The following CCNDBP1 variants were observed in gnomAD, a reference collection of about 807,000 sequenced individuals.
CCNDBP1 encodes cyclin-D1-binding protein 1.
In CCNDBP1, 45 loss-of-function variants were observed where a neutral mutation model predicts 46.2. That is an observed-to-expected ratio of 0.97 (90% CI 0.77 to 1.25). The LOEUF is 1.25. CCNDBP1 is among the 50% of genes most tolerant of loss of function. The pLI is 0.00. For synonymous variants in CCNDBP1, 154 were observed against 163.6 expected, an observed-to-expected ratio of 0.94 and a Z score of 0.45; for missense variants, 436 against 442.1, an observed-to-expected ratio of 0.99 and a Z score of 0.12.
At chr15:43,192,431 C>T (rs1042400751) in intron 8 of CCNDBP1, among the ~76,000 whole-genome samples, 1 of 152,116 alleles carries the variant, frequency 6.6e-6, no homozygotes, top group Non-Finnish European at 1.5e-5. Flanking sequence ...TTTTAGCTTC[C>T]ACTGATGAAG....
chr15:43,186,144 C>G lies in CCNDBP1; in HGVS notation c.170-10C>G, dbSNP rs746028235. 8.1e-6 allele frequency: 13 copies of G among 1,613,468 alleles called. No homozygotes were observed. The highest frequency in any genetic ancestry group is 1.1e-5 in the Non-Finnish European group (13 of 1,179,596). ...TATTGGCACCTGCCTCCTCTTCGGC[C>G]ACCCCCCAGATGAGGCAGCTGTGAC... is the stretch of plus-strand genomic sequence containing the variant. On this transcript the variant is annotated splice_polypyrimidine_tract_variant and intron_variant, in intron 2 of 10. Coordinates refer to ENST00000300213, the MANE Select transcript of CCNDBP1 (RefSeq NM_012142.5).
chr15:43,194,341 G>T, intron 9 of CCNDBP1, 74 bp from the exon 10 acceptor site: 3 of 1,219,078 alleles, frequency 2.5e-6, no homozygotes, highest in Non-Finnish European at 3.4e-6. Context: ...TTATTACTTG[G>T]GTCTTTAAAA....
intron 1 of CCNDBP1, 47 bp from the exon 2 acceptor site, chr15:43,185,773 G>A: frequency 6.3e-7 from 1 of 1,596,062 alleles, no homozygotes; most frequent in African/African-American, 1.3e-5. Flanking sequence ...GCTTACCTCA[G>A]CTTTTCCATT....
intron 3 of CCNDBP1, among the ~76,000 whole-genome samples, chr15:43,187,130 C>T (rs538218): frequency 0.79 from 120,038 of 152,156 alleles, 49,424 homozygotes; most frequent in Non-Finnish European, 0.9. Context: ...TTTAAAATGG[C>T]ATATTCATTG....
rs1308944101 is a variant in CCNDBP1 at position 43,195,155 on chromosome 15, G to A, written c.*314G>A. The A allele has an allele frequency of 4.8e-6, 1 of 208,340 alleles. No individual in the cohort carries two copies. The highest frequency in any genetic ancestry group is 9.5e-6 in the Non-Finnish European group (1 of 105,610). 12.9% of individuals were successfully genotyped at this position (208,340 alleles called of 1,614,324 possible). The stretch of plus-strand genomic sequence containing the variant: ...TAAAGTATGTTGTTTTCATTGTAAA[G>A]ATGTTGATGGTCTCAATAAAATGCT... On this transcript the variant is annotated 3_prime_UTR_variant, in exon 11 of 11. Coordinates refer to ENST00000300213, the MANE Select transcript of CCNDBP1 (RefSeq NM_012142.5).
intron 8 of CCNDBP1, 129 bp from the exon 9 acceptor site, chr15:43,192,614 A>G (rs991941293): frequency 1.3e-6 from 1 of 759,364 alleles, no homozygotes; most frequent in Non-Finnish European, 2.3e-6. Flanking sequence ...TTGGTTGCCC[A>G]GTTGCCCAAT....
chr15:43,189,622 T>G lies in CCNDBP1; in HGVS notation c.331+342T>G, dbSNP rs151237666. 1.8e-4 allele frequency: 59 copies of G among 322,240 alleles called. No individual in the cohort carries two copies. The East Asian group carries it at 3.7e-3, about 20-fold the overall frequency. 20.0% of individuals were successfully genotyped at this position (322,240 alleles called of 1,614,324 possible). A position where few individuals can be genotyped will look rare whatever the true frequency, so the allele number is the denominator to read the frequency against. On this transcript the variant is annotated intron_variant, in intron 4 of 10. Coordinates refer to ENST00000300213, the MANE Select transcript of CCNDBP1 (RefSeq NM_012142.5). ...CATCCTTACTTTCCTCCACCCATGT[T>G]ATATCTCACCCTATTTCTGAACATC...
chr15:43,194,636 A>C, intron 10 of CCNDBP1, 91 bp from the exon 11 acceptor site: 1 of 1,127,314 alleles, frequency 8.9e-7, no homozygotes, highest in East Asian at 2.4e-5. Flanking sequence ...CTTTAAAAAA[A>C]TTTTAGTTTT....
At position 43,189,018 on chromosome 15, in the gene CCNDBP1, C is replaced by G. The variant is rs2041898198; in HGVS notation, c.250-181C>G. On this transcript the variant is annotated intron_variant, in intron 3 of 10. Transcript: ENST00000300213. ...GCTTGAACCTGGGAGGTGGAGGTTG[C>G]AGTGAGCCAAGATTGCGCCATTGCA... 8.2e-6 allele frequency: 3 copies of G among 367,478 alleles called. No homozygotes were observed. The South Asian group carries it at 1.2e-4, about 15-fold the overall frequency. 22.8% of individuals were successfully genotyped at this position (367,478 alleles called of 1,614,324 possible). A position where few individuals can be genotyped will look rare whatever the true frequency, so the allele number is the denominator to read the frequency against.
chr15:43,186,142 G>T lies in CCNDBP1; in HGVS notation c.170-12G>T. 1 of 1,613,564 alleles carries T rather than the reference G, an allele frequency of 6.2e-7. No homozygotes were observed. Among genetic ancestry groups the T allele is most frequent in the Non-Finnish European group, 8.5e-7 (1 of 1,179,652 alleles). On this transcript the variant is annotated splice_polypyrimidine_tract_variant and intron_variant, in intron 2 of 10. Coordinates refer to ENST00000300213, the MANE Select transcript of CCNDBP1 (RefSeq NM_012142.5). ...CGTATTGGCACCTGCCTCCTCTTCG[G>T]CCACCCCCCAGATGAGGCAGCTGTG...
Position 43,185,445 on chromosome 15 carries a change from G to A in CCNDBP1, c.-54G>A. On this transcript the variant is annotated 5_prime_UTR_variant, in exon 1 of 11. Coordinates refer to ENST00000300213, the MANE Select transcript of CCNDBP1 (RefSeq NM_012142.5). ...GAAGTGGAGCGGCTGTCGCAGTGCG[G>A]CTCCGGCAGTGGCAGCGGAGGCCTG... is the stretch of plus-strand genomic sequence containing the variant. 1.5e-6 allele frequency: 2 copies of A among 1,378,840 alleles called. No homozygotes were observed. Among genetic ancestry groups the A allele is most frequent in the Non-Finnish European group, 1.0e-6 (1 of 1,000,442 alleles). 85.4% of individuals were successfully genotyped at this position (1,378,840 alleles called of 1,614,324 possible). A position where few individuals can be genotyped will look rare whatever the true frequency, so the allele number is the denominator to read the frequency against.
At chr15:43,189,099 A>G (rs1323777306) in intron 3 of CCNDBP1, 100 bp from the exon 4 acceptor site, 4 of 477,742 alleles carry the variant, frequency 8.4e-6, no homozygotes, top group Admixed American at 4.1e-5. Flanking sequence ...AAAAAAAAAA[A>G]AAAAAGAAAA....
At chr15:43,189,925 T>G in intron 4 of CCNDBP1, 130 bp from the exon 5 acceptor site, 1 of 703,514 alleles carries the variant, frequency 1.4e-6, no homozygotes, top group Non-Finnish European at 2.4e-6. Flanking sequence ...GACCTGAGTT[T>G]TGTGTTAGCA....
chr15:43,190,105 G>A lies in CCNDBP1; in HGVS notation c.382G>A (p.Gly128Ser), dbSNP rs1365681969. 1 of 1,614,032 alleles carries A rather than the reference G, an allele frequency of 6.2e-7. No homozygotes were observed. Among genetic ancestry groups the A allele is most frequent in the African/African-American group, 1.3e-5 (1 of 74,906 alleles). The change falls in exon 5 of 11, where the codon GGC (glycine) becomes AGC (serine). Residue 128 changes from glycine to serine, a missense_variant. Coordinates refer to ENST00000300213, the MANE Select transcript of CCNDBP1 (RefSeq NM_012142.5). ...GGGCGCCACCCTGGACATCGTGGATGGCATGGCTCAGCTCATGGAAGTACT... is the reference window on the plus strand; with the variant it reads ...GGGCGCCACCCTGGACATCGTGGATAGCATGGCTCAGCTCATGGAAGTACT... ...VRGATLDIVD[G>S]MAQLMEVLSV... is the part of the protein sequence containing the mutation.
chr15:43,187,256 C>T (rs1341622535), intron 3 of CCNDBP1, among the ~76,000 whole-genome samples: 3 of 151,808 alleles, frequency 2.0e-5, no homozygotes, highest in African/African-American at 4.8e-5. Flanking sequence ...CTCTCTCCTC[C>T]TACATACCTT....
At position 43,190,386 on chromosome 15, in the gene CCNDBP1, C is replaced by G; in HGVS notation, c.490C>G (p.Gln164Glu). The G allele has an allele frequency of 6.2e-7, 1 of 1,614,074 alleles. No homozygotes were observed. Among genetic ancestry groups the G allele is most frequent in the Non-Finnish European group, 8.5e-7 (1 of 1,179,984 alleles). Residue 164 changes from glutamine to glutamate, a missense_variant, in exon 6 of 11, where the codon CAG becomes GAG. Physicochemically the swap from Gln to Glu is conservative, Grantham distance 29 (BLOSUM62 2). Coordinates refer to ENST00000300213, the MANE Select transcript of CCNDBP1 (RefSeq NM_012142.5). Reference protein sequence around the residue: ...SVWVACQQMPQIPRDNKAAAL... With the variant: ...SVWVACQQMPEIPRDNKAAAL... ...CTGGGTTGCGTGCCAGCAGATGCCT[C>G]AGATACCAAGAGGTGAGTGAAAGTG... is the stretch of plus-strand genomic sequence containing the variant.
intron 1 of CCNDBP1, 95 bp downstream of exon 1, chr15:43,185,702 C>T: frequency 7.4e-7 from 1 of 1,343,020 alleles, no homozygotes; most frequent in Non-Finnish European, 1.0e-6. Context: ...GGCTCGGGGT[C>T]GCGGAGAGGG....
At chr15:43,190,515 A>G in intron 6 of CCNDBP1, 117 bp downstream of exon 6, 1 of 690,628 alleles carries the variant, frequency 1.4e-6, no homozygotes, top group South Asian at 2.0e-5. Context: ...TGAAATATAT[A>G]TATTTTATTA....
chr15:43,190,856 A>G (rs2041937453), intron 6 of CCNDBP1, 110 bp from the exon 7 acceptor site: 2 of 840,022 alleles, frequency 2.4e-6, no homozygotes, highest in Non-Finnish European at 4.0e-6. Flanking sequence ...ACCCTTGTCA[A>G]CCGTCCTTGG....
Sources: gnomAD v4.1 joint callset for allele counts (sites outside exome capture counted in the v4.1 genomes callset) on GRCh38, gnomAD v4.1.1 for gene constraint, MANE v1.5 for transcripts, NCBI Gene and HGNC (gene_info 2026-07-23, HGNC 2026-07-21) for gene names.